LHFPL2: variants seen among roughly 807,000 people sequenced by gnomAD.
LHFPL2 encodes LHFPL tetraspan subfamily member 2, also known as LHFPL tetraspan subfamily member 2 protein.
LHFPL2 carries 7 observed loss-of-function variants against 17.5 expected under a neutral mutation model. The observed-to-expected ratio is 0.40, with a 90% CI of 0.23 to 0.75. The LOEUF (loss-of-function observed/expected upper bound fraction) is 0.75. Ranked by LOEUF, LHFPL2 falls within the 30% of genes least tolerant of loss-of-function variation. The pLI is 0.37. For synonymous variants in LHFPL2, 134 were observed against 116.2 expected (o/e 1.15, Z -0.99); for missense variants, 241 against 294.8 (o/e 0.82, Z 1.34).
intron 4 of LHFPL2, among the ~76,000 whole-genome samples, 197 bp downstream of exon 4, chr5:78,509,586 TG>T (rs1414087689): frequency 6.6e-6 from 1 of 152,114 alleles, no homozygotes; most frequent in Non-Finnish European, 1.5e-5. Context: ...TGTCTTCCTG[TG>T]GGGTAAGACA....
chr5:78,557,461 G>C (rs190908174), intron 3 of LHFPL2, among the ~76,000 whole-genome samples: 1 of 152,180 alleles, frequency 6.6e-6, no homozygotes, highest in East Asian at 1.9e-4. Context: ...GAGAAAAATG[G>C]ATCGGACTTC....
intron 4 of LHFPL2, among the ~76,000 whole-genome samples, chr5:78,489,538 G>A (rs1265680224): frequency 9.2e-5 from 14 of 152,084 alleles, no homozygotes; most frequent in Admixed American, 3.9e-4. Flanking sequence ...CAAGTAGCTC[G>A]GATTACAGGC....
At chr5:78,552,830 T>C (rs1465661812) in intron 3 of LHFPL2, among the ~76,000 whole-genome samples, 1 of 152,204 alleles carries the variant, frequency 6.6e-6, no homozygotes, top group Non-Finnish European at 1.5e-5. Context: ...ATAAAGCGTG[T>C]CAATTTCTCC....
intron 3 of LHFPL2, among the ~76,000 whole-genome samples, chr5:78,533,688 A>G (rs1755854888): frequency 8.2e-6 from 1 of 121,350 alleles, no homozygotes; most frequent in Admixed American, 7.6e-5. Flanking sequence ...GTCATAAGCC[A>G]TGTGCCAAAA....
chr5:78,522,820 G>C (rs993071466), intron 3 of LHFPL2, among the ~76,000 whole-genome samples: 2 of 152,174 alleles, frequency 1.3e-5, no homozygotes, highest in African/African-American at 4.8e-5. Context: ...GCCCTGATGT[G>C]GGTAGGGCAG....
intron 2 of LHFPL2, among the ~76,000 whole-genome samples, chr5:78,576,172 G>A (rs1757129452): frequency 1.3e-5 from 2 of 152,250 alleles, no homozygotes; most frequent in South Asian, 4.1e-4. Context: ...GTGGGTGCCT[G>A]TAGTCCCAGC....
chr5:78,488,658 C>T lies in LHFPL2; in HGVS notation c.*239G>A, dbSNP rs1182350262. On this transcript the variant is annotated 3_prime_UTR_variant, in exon 5 of 5. Transcript: ENST00000380345. Reference sequence around the variant, plus strand: ...GATGGAGTCTGACAGAACTTGGCAACTCCAGGTCTAGGATTATATACTATT... The same window carrying T: ...GATGGAGTCTGACAGAACTTGGCAATTCCAGGTCTAGGATTATATACTATT... The T allele has an allele frequency of 5.9e-6, 3 of 511,200 alleles. No homozygotes were observed. Among genetic ancestry groups the T allele is most frequent in the East Asian group, 3.4e-5 (1 of 29,550 alleles). 31.7% of individuals were successfully genotyped at this position (511,200 alleles called of 1,614,324 possible).
At chr5:78,538,648 A>C (rs552718320) in intron 3 of LHFPL2, among the ~76,000 whole-genome samples, 4 of 152,322 alleles carry the variant, frequency 2.6e-5, no homozygotes, top group Non-Finnish European at 2.9e-5. Flanking sequence ...AACAACAACA[A>C]CACCTGCCCA....
intron 2 of LHFPL2, among the ~76,000 whole-genome samples, chr5:78,587,587 G>A (rs1013095611): frequency 1.3e-5 from 2 of 152,284 alleles, no homozygotes; most frequent in Middle Eastern, 3.4e-3. Flanking sequence ...TGCAGCCTTT[G>A]GAAATCTTAT....
rs576246847 is a variant in LHFPL2 at position 78,515,938 on chromosome 5, C to A, written c.-185-5540G>T. Among the ~76,000 whole-genome samples the A allele has an allele frequency of 2.0e-5, 3 of 152,296 alleles. No homozygotes were observed. In the South Asian group the frequency reaches 6.2e-4, roughly 32 times the overall value. The stretch of plus-strand genomic sequence containing the variant: ...TCATGATGCCTCCCAGGTCACAGGG[C>A]CCAGTGACTGTAGGGAAACCAGCTG... On this transcript the variant is annotated intron_variant, in intron 3 of 4. Transcript: ENST00000380345.
chr5:78,624,230 T>G (rs185596814), intron 2 of LHFPL2, among the ~76,000 whole-genome samples: 15 of 152,316 alleles, frequency 9.8e-5, no homozygotes, highest in Admixed American at 9.1e-4. Context: ...GACTCCAGCT[T>G]ATCTCTTGAC....
intron 4 of LHFPL2, among the ~76,000 whole-genome samples, chr5:78,508,682 G>A (rs1189959163): frequency 6.6e-6 from 1 of 152,196 alleles, no homozygotes; most frequent in African/African-American, 2.4e-5. Context: ...TACAGCCCTG[G>A]ACATATGGCT....
chr5:78,526,141 G>A (rs904001197), intron 3 of LHFPL2, among the ~76,000 whole-genome samples: 4 of 151,862 alleles, frequency 2.6e-5, no homozygotes, highest in South Asian at 2.1e-4. Flanking sequence ...CCTGGCCCCC[G>A]CCACCACTCT....
In LHFPL2 at chr5:78,488,214, C is replaced by T. The variant is rs1262459469; in HGVS notation, c.*683G>A. 6.6e-6 allele frequency: 1 copy of T among 152,218 alleles called. No individual in the cohort carries two copies. Among genetic ancestry groups the T allele is most frequent in the Non-Finnish European group, 1.5e-5 (1 of 68,096 alleles). 9.4% of individuals were successfully genotyped at this position (152,218 alleles called of 1,614,324 possible). A position where few individuals can be genotyped will look rare whatever the true frequency, so the allele number is the denominator to read the frequency against. On this transcript the variant is annotated 3_prime_UTR_variant, in exon 5 of 5. Coordinates refer to ENST00000380345, the MANE Select transcript of LHFPL2 (RefSeq NM_005779.3). ...ACTAGCAAGATTTCATATTTTTGTT[C>T]TCATATGATTGTATAGGTCCTTATT... is the stretch of plus-strand genomic sequence containing the variant.
At chr5:78,536,959 C>A (rs1370351210) in intron 3 of LHFPL2, among the ~76,000 whole-genome samples, 1 of 152,206 alleles carries the variant, frequency 6.6e-6, no homozygotes, top group Non-Finnish European at 1.5e-5. Context: ...CTGAAGATCA[C>A]AGAAGCGCTC....
intron 2 of LHFPL2, among the ~76,000 whole-genome samples, chr5:78,581,781 G>T (rs996491379): frequency 1.2e-4 from 19 of 152,184 alleles, no homozygotes; most frequent in Admixed American, 1.2e-3. Context: ...CCCGGCTTTG[G>T]TATCAGGATG....
intron 3 of LHFPL2, among the ~76,000 whole-genome samples, chr5:78,515,473 A>G (rs1354642684): frequency 6.6e-6 from 1 of 152,158 alleles, no homozygotes; most frequent in East Asian, 1.9e-4. Flanking sequence ...CACTCTTGCA[A>G]TCTCCCTCAG....
At chr5:78,593,775 C>T (rs1244254245) in intron 2 of LHFPL2, among the ~76,000 whole-genome samples, 1 of 152,202 alleles carries the variant, frequency 6.6e-6, no homozygotes, top group Admixed American at 6.5e-5. Flanking sequence ...CCTAGAGGAG[C>T]AAGGCTGGAC....
intron 3 of LHFPL2, among the ~76,000 whole-genome samples, chr5:78,519,988 G>A (rs968169124): frequency 3.6e-4 from 54 of 151,364 alleles, no homozygotes; most frequent in African/African-American, 1.2e-3. Context: ...AACTAGCTCT[G>A]TGTCTTTGGG....
Sources: gnomAD v4.1 joint callset for allele counts (sites outside exome capture counted in the v4.1 genomes callset) on GRCh38, gnomAD v4.1.1 for gene constraint, MANE v1.5 for transcripts, NCBI Gene and HGNC (gene_info 2026-07-23, HGNC 2026-07-21) for gene names.